Variants in OTULIN observed in about 807,000 individuals in gnomAD.
OTULIN encodes the protein ubiquitin thioesterase otulin.
In OTULIN, 15 loss-of-function variants were observed where a neutral mutation model predicts 39.6. The ratio of observed to expected loss-of-function variants is 0.38; its 90% CI spans 0.25 to 0.58. The LOEUF is 0.58. OTULIN is among the 20% of genes least tolerant of loss of function. The probability of loss-of-function intolerance (pLI) is 0.66; values close to 1 mark genes in which losing one functional copy is unlikely to be tolerated. For synonymous variants in OTULIN, 156 were observed against 170.3 expected (o/e 0.92, Z 0.65); for missense variants, 319 against 445.9 (o/e 0.72, Z 2.56).
At chr5:14,686,880 G>A (rs1736399866) in intron 4 of OTULIN, among the ~76,000 whole-genome samples, 1 of 152,180 alleles carries the variant, frequency 6.6e-6, no homozygotes, top group Non-Finnish European at 1.5e-5. Flanking sequence ...CATGAACTAA[G>A]TGAGCACAGC....
At chr5:14,713,721 C>T in the OTULIN span, 2 of 1,611,584 alleles carry the variant, frequency 1.2e-6, no homozygotes, top group Non-Finnish European at 1.7e-6. The surrounding 1 kb of genome is among the most constrained non-coding windows in gnomAD (Gnocchi z 4.4). Context: ...ACTCCCCATC[C>T]TGCTGCCTCT....
chr5:14,668,159 A>G (rs527619517), intron 1 of OTULIN, among the ~76,000 whole-genome samples: 1 of 152,290 alleles, frequency 6.6e-6, no homozygotes, highest in African/African-American at 2.4e-5. Context: ...GTGAACAAAA[A>G]AAGTGGCACA....
chr5:14,702,274 A>T (rs1307867893), downstream of OTULIN, among the ~76,000 whole-genome samples: 2 of 152,090 alleles, frequency 1.3e-5, no homozygotes, highest in East Asian at 3.9e-4. Flanking sequence ...GTGTACAGGG[A>T]TGGGCTGAAG....
At chr5:14,714,214 C>T in the OTULIN span, among the ~76,000 whole-genome samples, 1 of 152,262 alleles carries the variant, frequency 6.6e-6, no homozygotes, top group African/African-American at 2.4e-5. Flanking sequence ...ACTTCCCTTT[C>T]TCCCTCCTAA....
At chr5:14,708,556 A>G in the OTULIN span, 1 of 152,236 alleles carries the variant, frequency 6.6e-6, no homozygotes, top group Admixed American at 6.5e-5. Context: ...TTGATCTCTC[A>G]TGTCTAGCTG....
chr5:14,686,150 T>G (rs1736383372), intron 4 of OTULIN, among the ~76,000 whole-genome samples: 1 of 152,238 alleles, frequency 6.6e-6, no homozygotes, highest in African/African-American at 2.4e-5. Context: ...TTCACACGAT[T>G]GCTCTAGGTT....
downstream of OTULIN, among the ~76,000 whole-genome samples, chr5:14,702,757 G>T (rs549768477): frequency 5.3e-5 from 8 of 152,288 alleles, no homozygotes; most frequent in South Asian, 1.7e-3. Flanking sequence ...GACCCGATGA[G>T]AATTTGAGGT....
At position 14,675,741 on chromosome 5, in the gene OTULIN, A is replaced by G. The variant is rs369452506; in HGVS notation, c.229+2023A>G. Among the ~76,000 whole-genome samples, 10 of 152,256 alleles carry G rather than the reference A, an allele frequency of 6.6e-5. No homozygotes were observed. In the East Asian group the frequency reaches 1.2e-3, roughly 18 times the overall value. On this transcript the variant is annotated intron_variant, in intron 2 of 6. Transcript: ENST00000284274. ...TGGATCCCTTTACACTTCTCACATC[A>G]TCTCAGACCTTCTGGGTTCATTGTC...
chr5:14,710,852 A>C, the OTULIN span: 1 of 354,458 alleles, frequency 2.8e-6, no homozygotes, highest in African/African-American at 2.1e-5. Flanking sequence ...GCGCGATGGC[A>C]CAGCTGCAGT....
chr5:14,711,084 A>G, the OTULIN span: 12 of 958,152 alleles, frequency 1.3e-5, no homozygotes, highest in South Asian at 1.4e-4. Context: ...GGCCTCTTTC[A>G]TTACCAAAAC....
downstream of OTULIN, among the ~76,000 whole-genome samples, chr5:14,703,858 C>G (rs1736863103): frequency 6.6e-6 from 1 of 152,054 alleles, no homozygotes; most frequent in African/African-American, 2.4e-5. Flanking sequence ...GGACTGAGAT[C>G]TGGGATTTTA....
chr5:14,699,075 G>A lies in OTULIN; in HGVS notation c.*6027G>A, dbSNP rs1736744923. On this transcript the variant is annotated 3_prime_UTR_variant, in exon 7 of 7. Coordinates refer to ENST00000284274, the MANE Select transcript of OTULIN (RefSeq NM_138348.6). ...TCCAGACCTGCAAAGCAGGGCTGCA[G>A]CCCCAATTCTGACCCAGCCCTGCTG... 1 of 152,196 alleles carries A rather than the reference G, an allele frequency of 6.6e-6. No individual in the cohort carries two copies. The highest frequency in any genetic ancestry group is 2.1e-4 in the South Asian group (1 of 4,824). The allele number at this position is 152,196 out of a possible 1,614,324, so 9.4% of individuals were successfully genotyped here.
At chr5:14,665,036 A>G in intron 1 of OTULIN, 59 bp downstream of exon 1, 1 of 1,019,968 alleles carries the variant, frequency 9.8e-7, no homozygotes. Flanking sequence ...CCCCTCCGGA[A>G]GCCGGGCTGG....
rs1278290799 is a variant in OTULIN, at chr5:14,681,611, C to CGCT, written c.468+13_468+15dup. The CGCT allele has an allele frequency of 1.2e-6, 2 of 1,600,592 alleles. No homozygotes were observed. Among genetic ancestry groups the CGCT allele is most frequent in the South Asian group, 1.1e-5 (1 of 88,436 alleles). On this transcript the variant is annotated splice_donor_region_variant and intron_variant, in intron 4 of 6. Transcript: ENST00000284274. Reference sequence around the variant, plus strand: ...GCAGGACCCGGAGCTCATGCTGGTACGCTGCTGCTGCAGGTTTGAGTCCAA... The same window carrying CGCT: ...GCAGGACCCGGAGCTCATGCTGGTACGCTGCTGCTGCTGCAGGTTTGAGTCCAA...
chr5:14,665,399 C>G (rs1212240158), intron 1 of OTULIN, among the ~76,000 whole-genome samples: 1 of 152,232 alleles, frequency 6.6e-6, no homozygotes, highest in Non-Finnish European at 1.5e-5. Flanking sequence ...GAGGCGACGT[C>G]CCACCTGTTG....
chr5:14,715,531 C>G, the OTULIN span, among the ~76,000 whole-genome samples: 1 of 152,176 alleles, frequency 6.6e-6, no homozygotes, highest in East Asian at 1.9e-4. Flanking sequence ...CTAGGTGACA[C>G]ACCTGGTACA....
intron 4 of OTULIN, among the ~76,000 whole-genome samples, chr5:14,687,160 G>T (rs144276761): frequency 6.6e-6 from 1 of 152,324 alleles, no homozygotes; most frequent in East Asian, 1.9e-4. Flanking sequence ...CATGTGTTAG[G>T]TGGTGGTTGA....
the OTULIN span, chr5:14,710,970 T>C: frequency 9.3e-6 from 5 of 534,856 alleles, no homozygotes; most frequent in South Asian, 1.0e-4. Context: ...GTCAGTTGTT[T>C]CGTTTGTTTT....
Position 14,676,055 on chromosome 5 carries a change from G to A in OTULIN, c.229+2337G>A, listed in dbSNP as rs1265549282. Among the ~76,000 whole-genome samples, 15 of 152,260 alleles carry A rather than the reference G, an allele frequency of 9.9e-5. No homozygotes were observed. In the East Asian group the frequency reaches 2.9e-3, roughly 29 times the overall value. Reference sequence around the variant, plus strand: ...CTTATTTCCTGTCTGGCCCGTTACAGACAAAGATTGAGATTCCTATCCTAT... The same window carrying A: ...CTTATTTCCTGTCTGGCCCGTTACAAACAAAGATTGAGATTCCTATCCTAT... On this transcript the variant is annotated intron_variant, in intron 2 of 6. Coordinates refer to ENST00000284274, the MANE Select transcript of OTULIN (RefSeq NM_138348.6).
Sources: gnomAD v4.1 joint callset for allele counts (sites outside exome capture counted in the v4.1 genomes callset) on GRCh38, gnomAD v4.1.1 for gene constraint, Gnocchi (gnomAD v3.1) non-coding constraint, MANE v1.5 for transcripts, NCBI Gene and HGNC (gene_info 2026-07-23, HGNC 2026-07-21) for gene names.